The following FBXW2 variants were observed in gnomAD, a reference collection of about 807,000 sequenced individuals.
FBXW2 encodes F-box and WD repeat domain containing 2.
A neutral mutation model predicts 46.0 loss-of-function variants in FBXW2; 12 were observed. The ratio of observed to expected loss-of-function variants is 0.26; its 90% CI spans 0.17 to 0.42. FBXW2 has a LOEUF of 0.42. FBXW2 is among the 10% of genes least tolerant of loss of function. The pLI, the probability that FBXW2 is intolerant of heterozygous loss-of-function variation, is 1.00. For synonymous variants in FBXW2, 203 were observed against 209.6 expected, an observed-to-expected ratio of 0.97 and a Z score of 0.27; for missense variants, 360 against 537.0, an observed-to-expected ratio of 0.67 and a Z score of 3.26.
In FBXW2 at chr9:120,783,457, A is replaced by G. The variant is rs2044658660; in HGVS notation, c.490+4312T>C. Among the ~76,000 whole-genome samples, 3 of 152,184 alleles carry G rather than the reference A, an allele frequency of 2.0e-5. No individual in the cohort carries two copies. The South Asian group carries it at 6.2e-4, about 32-fold the overall frequency. On this transcript the variant is annotated intron_variant, in intron 3 of 7. Transcript: ENST00000608872. ...CATTCAGTATCTTAAAAATCTTAAT[A>G]ATACTTTAAAAAAAATCAGACTATT...
At chr9:120,773,134 C>A (rs1304610133) in intron 5 of FBXW2, among the ~76,000 whole-genome samples, 1 of 151,320 alleles carries the variant, frequency 6.6e-6, no homozygotes, top group African/African-American at 2.4e-5. Flanking sequence ...ATGCAGTGAG[C>A]TATGATTGCA....
chr9:120,778,544 C>T lies in FBXW2; in HGVS notation c.492G>A (p.Gly164=), dbSNP rs1165353455. 3.7e-6 allele frequency: 6 copies of T among 1,611,500 alleles called. No homozygotes were observed. Among genetic ancestry groups the T allele is most frequent in the South Asian group, 1.1e-5 (1 of 90,854 alleles). ...ACAGCTTTGCAGACAAGTCATCTGA[C>T]CCTTCAAGAGAAAAACAGGGAGGTT... ...LYYKDGLLCT[G]SDDLSAKLWD... Residue 164 remains glycine, a splice_region_variant and synonymous_variant, in exon 4 of 8, where the codon GGG becomes GGA. Coordinates refer to ENST00000608872, the MANE Select transcript of FBXW2 (RefSeq NM_012164.4).
Position 120,763,570 on chromosome 9 carries a change from T to C in FBXW2, c.*989A>G, listed in dbSNP as rs1377849593. On this transcript the variant is annotated 3_prime_UTR_variant, in exon 8 of 8. Coordinates refer to ENST00000608872, the MANE Select transcript of FBXW2 (RefSeq NM_012164.4). ...ATTTCCCTTTTATTCATCCTTTTCA[T>C]ATAATTGATGTTCTTATAGAAAACT... 6.6e-6 allele frequency: 1 copy of C among 152,258 alleles called. No homozygotes were observed. The highest frequency in any genetic ancestry group is 1.5e-5 in the Non-Finnish European group (1 of 68,040). The allele number at this position is 152,258 out of a possible 1,614,324, so 9.4% of individuals were successfully genotyped here.
In FBXW2 at chr9:120,758,428, G is replaced by C. The variant is rs1368120774; in HGVS notation, c.*6131C>G. On this transcript the variant is annotated 3_prime_UTR_variant, in exon 8 of 8. Transcript: ENST00000608872. ...CCAGATGTGCCCTGATGGTAACGGAGAGTTACCAAGATTGAACAAGAGCAA... is the reference window on the plus strand; with the variant it reads ...CCAGATGTGCCCTGATGGTAACGGACAGTTACCAAGATTGAACAAGAGCAA... 2 of 152,212 alleles carry C rather than the reference G, an allele frequency of 1.3e-5. No homozygotes were observed. The highest frequency in any genetic ancestry group is 2.4e-5 in the African/African-American group (1 of 41,448). 9.4% of individuals were successfully genotyped at this position (152,212 alleles called of 1,614,324 possible). A position where few individuals can be genotyped will look rare whatever the true frequency, so the allele number is the denominator to read the frequency against.
intron 5 of FBXW2, among the ~76,000 whole-genome samples, chr9:120,774,990 G>A (rs1247232156): frequency 6.6e-6 from 1 of 151,780 alleles, no homozygotes; most frequent in Non-Finnish European, 1.5e-5. Flanking sequence ...TCTTTCCACA[G>A]CTATCTCCTA....
intron 4 of FBXW2, 59 bp downstream of exon 4, chr9:120,778,292 G>T: frequency 7.0e-7 from 1 of 1,424,868 alleles, no homozygotes; most frequent in Non-Finnish European, 9.5e-7. Context: ...CACATTCTTG[G>T]CTCCTGGCTT....
At chr9:120,771,318 G>T in intron 7 of FBXW2, 30 bp downstream of exon 7, 1 of 1,582,570 alleles carries the variant, frequency 6.3e-7, no homozygotes, top group Admixed American at 1.8e-5. Flanking sequence ...GGCTTTCAAA[G>T]GTAAAGCGTG....
rs1226450792 is a variant in FBXW2, at chr9:120,758,181, T to C, written c.*6378A>G. On this transcript the variant is annotated 3_prime_UTR_variant, in exon 8 of 8. Coordinates refer to ENST00000608872, the MANE Select transcript of FBXW2 (RefSeq NM_012164.4). ...CTGCACCACTAACCTTACACAAAAA[T>C]GCTCAGTGAGGCTGGAGTGGGGTAT... 6.6e-6 allele frequency: 1 copy of C among 152,186 alleles called. No homozygotes were observed. The highest frequency in any genetic ancestry group is 6.5e-5 in the Admixed American group (1 of 15,274). The allele number at this position is 152,186 out of a possible 1,614,324, so 9.4% of individuals were successfully genotyped here.
At chr9:120,793,284 C>A in intron 1 of FBXW2, 27 bp from the exon 2 acceptor site, 2 of 456,400 alleles carry the variant, frequency 4.4e-6, no homozygotes, top group South Asian at 4.6e-5. Flanking sequence ...ACAGCCAAGG[C>A]GCGGCGGGTC....
chr9:120,781,690 A>G (rs1000019735), intron 3 of FBXW2, among the ~76,000 whole-genome samples: 4 of 151,856 alleles, frequency 2.6e-5, no homozygotes, highest in Non-Finnish European at 5.9e-5. Context: ...ACACACACAC[A>G]TATATACATA....
At chr9:120,793,317 A>C (rs2044894995) in intron 1 of FBXW2, 37 bp downstream of exon 1, 2 of 436,024 alleles carry the variant, frequency 4.6e-6, no homozygotes, top group Non-Finnish European at 8.1e-6. Context: ...GGCGCCTAAG[A>C]GTCCCCTCCC....
intron 3 of FBXW2, among the ~76,000 whole-genome samples, chr9:120,786,004 G>GT (rs2044712741): frequency 8.4e-6 from 1 of 118,440 alleles, no homozygotes; most frequent in Non-Finnish European, 1.6e-5. Context: ...GGGTGACAGA[G>GT]TGAGACTCCA....
intron 3 of FBXW2, among the ~76,000 whole-genome samples, chr9:120,782,834 G>C (rs1304797348): frequency 6.6e-6 from 1 of 152,134 alleles, no homozygotes; most frequent in Non-Finnish European, 1.5e-5. Flanking sequence ...CTGGGCTACA[G>C]AGTGAGACCT....
At chr9:120,766,097 G>C (rs955054889) in intron 7 of FBXW2, among the ~76,000 whole-genome samples, 1 of 152,162 alleles carries the variant, frequency 6.6e-6, no homozygotes, top group Non-Finnish European at 1.5e-5. Flanking sequence ...TGTGGGAGGA[G>C]AGTTTAGCCT....
At chr9:120,774,207 GGC>G (rs2044441408) in intron 5 of FBXW2, among the ~76,000 whole-genome samples, 1 of 151,942 alleles carries the variant, frequency 6.6e-6, no homozygotes, top group East Asian at 1.9e-4. Flanking sequence ...CATGGTGGTG[GGC>G]GCCTGTAATC....
chr9:120,760,901 A>G lies in FBXW2; in HGVS notation c.*3658T>C, dbSNP rs2044187655. ...CAGTAATCATTTTCCTATGAATACT[A>G]GAATGATTATATAATCCTCATTCAA... On this transcript the variant is annotated 3_prime_UTR_variant, in exon 8 of 8. Transcript: ENST00000608872. 1 of 152,260 alleles carries G rather than the reference A, an allele frequency of 6.6e-6. No homozygotes were observed. Among genetic ancestry groups the G allele is most frequent in the Non-Finnish European group, 1.5e-5 (1 of 68,040 alleles). 9.4% of individuals were successfully genotyped at this position (152,260 alleles called of 1,614,324 possible). A position where few individuals can be genotyped will look rare whatever the true frequency, so the allele number is the denominator to read the frequency against.
chr9:120,792,152 G>A (rs2044857585), intron 2 of FBXW2, among the ~76,000 whole-genome samples: 1 of 152,112 alleles, frequency 6.6e-6, no homozygotes, highest in African/African-American at 2.4e-5. Context: ...GAATGGCACA[G>A]GAAGTAGCAG....
intron 2 of FBXW2, 24 bp downstream of exon 2, chr9:120,793,125 A>C: frequency 3.0e-6 from 2 of 673,182 alleles, no homozygotes; most frequent in Admixed American, 5.1e-5. Flanking sequence ...TTGCTCTCGG[A>C]ATCGTGTTCC....
At chr9:120,781,518 T>C (rs1302134678) in intron 3 of FBXW2, among the ~76,000 whole-genome samples, 3 of 152,018 alleles carry the variant, frequency 2.0e-5, no homozygotes, top group African/African-American at 4.8e-5. Context: ...AAGATCACTA[T>C]GGCTATATCA....
Sources: gnomAD v4.1 joint callset for allele counts (sites outside exome capture counted in the v4.1 genomes callset) on GRCh38, gnomAD v4.1.1 for gene constraint, MANE v1.5 for transcripts, NCBI Gene and HGNC (gene_info 2026-07-23, HGNC 2026-07-21) for gene names.